Variants in TCF4 observed in about 807,000 individuals in gnomAD.
TCF4 encodes transcription factor 4.
Under a neutral mutation model 82.1 loss-of-function variants are expected in TCF4, and 3 were observed. The ratio of observed to expected loss-of-function variants is 0.04; its 90% CI spans 0.02 to 0.09. The LOEUF (loss-of-function observed/expected upper bound fraction) is 0.09, where lower values mean the gene tolerates loss of function less well. TCF4 is among the 10% of genes least tolerant of loss of function. TCF4 has a pLI of 1.00. For synonymous variants in TCF4, 276 were observed against 309.6 expected, an observed-to-expected ratio of 0.89 and a Z score of 1.14; for missense variants, 518 against 852.7, an observed-to-expected ratio of 0.61 and a Z score of 4.89.
At chr18:55,621,757 T>C (rs1390166131) in intron 2 of TCF4, among the ~76,000 whole-genome samples, 1 of 91,558 alleles carries the variant, frequency 1.1e-5, no homozygotes, top group African/African-American at 4.4e-5. Context: ...ATAATTATAA[T>C]TATAACATAT....
intron 8 of TCF4, among the ~76,000 whole-genome samples, chr18:55,283,948 A>G (rs898465084): frequency 1.3e-5 from 2 of 152,216 alleles, no homozygotes; most frequent in African/African-American, 4.8e-5. Flanking sequence ...GGGTAAAGCA[A>G]GGATGTGAAC....
chr18:55,351,637 G>A (rs1044164320), intron 6 of TCF4, among the ~76,000 whole-genome samples: 4 of 152,122 alleles, frequency 2.6e-5, no homozygotes, highest in South Asian at 2.1e-4. Context: ...GAGGTCTATC[G>A]GAAGCTAAGA....
intron 15 of TCF4, among the ~76,000 whole-genome samples, chr18:55,251,794 A>G (rs895640084): frequency 5.9e-5 from 9 of 152,188 alleles, no homozygotes. Context: ...TTTCCGGTGC[A>G]TACCTCCCAC....
At chr18:55,568,528 CAT>C (rs1333869748) in intron 3 of TCF4, among the ~76,000 whole-genome samples, 1 of 151,518 alleles carries the variant, frequency 6.6e-6, no homozygotes, top group African/African-American at 2.4e-5. Context: ...CACACACATC[CAT>C]ATAAGTTTAT....
chr18:55,466,791 C>A (rs2958177), intron 3 of TCF4, among the ~76,000 whole-genome samples: 148,244 of 152,280 alleles, frequency 0.97, 72,314 homozygotes, highest in Middle Eastern at 1. Flanking sequence ...AACACATCAA[C>A]ACTTGAGTAT....
chr18:55,575,412 T>C (rs1271806071), intron 3 of TCF4, among the ~76,000 whole-genome samples: 1 of 152,240 alleles, frequency 6.6e-6, no homozygotes, highest in Non-Finnish European at 1.5e-5. Context: ...CTGGAAATAT[T>C]ATTACCACCT....
At chr18:55,340,169 G>A (rs535106063) in intron 8 of TCF4, among the ~76,000 whole-genome samples, 2 of 152,230 alleles carry the variant, frequency 1.3e-5, no homozygotes, top group East Asian at 3.9e-4. Flanking sequence ...GAAAAAGCAC[G>A]TATCTCCTTA....
At chr18:55,481,157 G>A (rs1041040256) in intron 3 of TCF4, among the ~76,000 whole-genome samples, 1 of 149,812 alleles carries the variant, frequency 6.7e-6, no homozygotes, top group Non-Finnish European at 1.5e-5. Context: ...TTGGAAAGAA[G>A]GAAAGAAAGC....
chr18:55,374,531 TC>T (rs2090221523), intron 6 of TCF4, among the ~76,000 whole-genome samples: 1 of 152,096 alleles, frequency 6.6e-6, no homozygotes, highest in Non-Finnish European at 1.5e-5. Context: ...ATGGATGTTT[TC>T]TAGGATAACA....
intron 2 of TCF4, chr18:55,585,675 T>C (rs1288850138): frequency 2.4e-6 from 2 of 846,604 alleles, no homozygotes; most frequent in Non-Finnish European, 3.1e-6. Flanking sequence ...AGAAAAACAC[T>C]AGTTTCACCA....
chr18:55,421,995 T>A (rs949722688), intron 5 of TCF4, among the ~76,000 whole-genome samples: 3 of 151,856 alleles, frequency 2.0e-5, no homozygotes, highest in African/African-American at 4.8e-5. Flanking sequence ...TAAAATTACA[T>A]TTGAAGAACA....
At chr18:55,611,958 A>G (rs780924910) in intron 2 of TCF4, among the ~76,000 whole-genome samples, 9 of 151,974 alleles carry the variant, frequency 5.9e-5, no homozygotes, top group Non-Finnish European at 1.2e-4. Context: ...TTTAGTAGAG[A>G]TGGGATTTCA....
At chr18:55,425,911 GTTT>G (rs1556314757) in intron 5 of TCF4, among the ~76,000 whole-genome samples, 1 of 152,108 alleles carries the variant, frequency 6.6e-6, no homozygotes, top group Non-Finnish European at 1.5e-5. Context: ...TGCCCCTGCT[GTTT>G]AAACTACCAC....
intron 12 of TCF4, chr18:55,261,069 C>CTT (rs78112276): frequency 0.097 from 8,903 of 91,772 alleles, 1,015 homozygotes; most frequent in African/African-American, 0.28. Flanking sequence ...CAGTTATTGT[C>CTT]TTTTTTTTTT....
At chr18:55,281,758 G>C (rs1425496114) in intron 8 of TCF4, among the ~76,000 whole-genome samples, 1 of 150,772 alleles carries the variant, frequency 6.6e-6, no homozygotes, top group Non-Finnish European at 1.5e-5. Context: ...ATTGCTTTTG[G>C]AAGATAAGGA....
At chr18:55,389,049 C>G (rs1290844057) in intron 6 of TCF4, among the ~76,000 whole-genome samples, 1 of 151,850 alleles carries the variant, frequency 6.6e-6, no homozygotes, top group African/African-American at 2.4e-5. Context: ...TGGCATGAAC[C>G]CGGGAGGCAG....
At chr18:55,328,336 C>T (rs1368375502) in intron 8 of TCF4, among the ~76,000 whole-genome samples, 2 of 151,854 alleles carry the variant, frequency 1.3e-5, no homozygotes, top group Admixed American at 6.6e-5. Context: ...TCTTATTTTT[C>T]CCCAGGCCGT....
intron 2 of TCF4, among the ~76,000 whole-genome samples, chr18:55,611,584 G>A (rs1330330544): frequency 1.3e-5 from 2 of 152,044 alleles, no homozygotes; most frequent in African/African-American, 2.4e-5. Context: ...TCCCCAGTAG[G>A]ATTTAAATCA....
intron 8 of TCF4, among the ~76,000 whole-genome samples, chr18:55,308,297 C>T (rs1044846605): frequency 6.6e-5 from 10 of 152,178 alleles, no homozygotes; most frequent in African/African-American, 1.9e-4. Flanking sequence ...AAGGGGTATA[C>T]GTGCTTGTTG....
Sources: allele counts gnomAD v4.1 joint callset (sites outside exome capture counted in the v4.1 genomes callset), GRCh38; gene constraint gnomAD v4.1.1; transcripts MANE v1.5; gene names NCBI Gene and HGNC (gene_info 2026-07-23, HGNC 2026-07-21).